ANKRD42: variants seen among roughly 807,000 people sequenced by gnomAD.
The protein encoded by ANKRD42 is ankyrin repeat domain 42.
In ANKRD42, 43 loss-of-function variants were observed where a neutral mutation model predicts 51.5. The observed-to-expected ratio is 0.83, with a 90% CI of 0.65 to 1.08. The LOEUF is 1.08. ANKRD42 is among the 50% of genes least tolerant of loss of function. The pLI is 0.00. For missense variants in ANKRD42, 608 were observed against 629.3 expected, an observed-to-expected ratio of 0.97 and a Z score of 0.36; for synonymous variants, 203 against 213.0, an observed-to-expected ratio of 0.95 and a Z score of 0.41.
downstream of ANKRD42, chr11:83,260,706 T>G (rs1454738913): frequency 3.3e-5 from 5 of 152,228 alleles, no homozygotes; most frequent in Non-Finnish European, 7.3e-5. Context: ...TACTTTCTGG[T>G]CTTGTCTTCT....
chr11:83,210,805 A>T (rs1862285816), intron 4 of ANKRD42, among the ~76,000 whole-genome samples: 1 of 152,200 alleles, frequency 6.6e-6, no homozygotes, highest in African/African-American at 2.4e-5. Context: ...AAAGTGATTT[A>T]TTTCTTCAGA....
rs191952747 is a variant in ANKRD42 at position 83,236,559 on chromosome 11, C to A, written c.1019+50C>A. 6.9e-5 allele frequency: 101 copies of A among 1,453,744 alleles called. No homozygotes were observed. In the African/African-American group the frequency reaches 1.1e-3, roughly 16 times the overall value. 90.1% of individuals were successfully genotyped at this position (1,453,744 alleles called of 1,614,324 possible). A position where few individuals can be genotyped will look rare whatever the true frequency, so the allele number is the denominator to read the frequency against. On this transcript the variant is annotated intron_variant, in intron 8 of 10. Transcript: ENST00000533342. ...CCTTTCTTTTCTCTTTAAAGTTTTG[C>A]GTATACTTTTTTGGACTCAAAAATC...
chr11:83,212,202 C>T (rs1293840272), intron 5 of ANKRD42, among the ~76,000 whole-genome samples: 3 of 152,058 alleles, frequency 2.0e-5, no homozygotes, highest in Non-Finnish European at 4.4e-5. Flanking sequence ...TATGCCTCAG[C>T]GTCCTTCGTA....
intron 5 of ANKRD42, among the ~76,000 whole-genome samples, chr11:83,217,731 A>T (rs926913202): frequency 3.3e-5 from 5 of 152,196 alleles, no homozygotes. Context: ...TTGCCTTGGC[A>T]TATTGGACAT....
In ANKRD42 at chr11:83,196,633, G is replaced by C. The variant is rs73512675; in HGVS notation, c.59-1846G>C. ...ACAGGTTCCTATGAATATTTCCATC[G>C]TTGCTTTTACCACATTATTTTGTAT... On this transcript the variant is annotated intron_variant, in intron 1 of 10. Coordinates refer to ENST00000533342, the MANE Select transcript of ANKRD42 (RefSeq NM_001300975.2). Among the ~76,000 whole-genome samples the C allele has an allele frequency of 1.6e-4, 25 of 152,210 alleles. 1 individual carries two copies. The highest frequency in any genetic ancestry group is 6.8e-3 in the Middle Eastern group (2 of 294).
downstream of ANKRD42, chr11:83,259,399 A>G (rs1329502735): frequency 4.6e-5 from 7 of 152,210 alleles, no homozygotes; most frequent in Admixed American, 4.6e-4. Flanking sequence ...TATGGTATGC[A>G]TATTTCTATT....
chr11:83,248,369 C>T lies in ANKRD42; in HGVS notation c.*165C>T, dbSNP rs1863607539. 4 of 1,335,710 alleles carry T rather than the reference C, an allele frequency of 3.0e-6. No homozygotes were observed. In the Admixed American group the frequency reaches 1.5e-4, roughly 49 times the overall value. The allele number at this position is 1,335,710 out of a possible 1,614,324, so 82.7% of individuals were successfully genotyped here. A position where few individuals can be genotyped will look rare whatever the true frequency, so the allele number is the denominator to read the frequency against. On this transcript the variant is annotated 3_prime_UTR_variant, in exon 11 of 11. Coordinates refer to ENST00000533342, the MANE Select transcript of ANKRD42 (RefSeq NM_001300975.2). ...GTAACTATAACTTTCTAGATACATA[C>T]ACACATCTGTCTATCTATCTTCAAA...
chr11:83,245,672 A>C, intron 10 of ANKRD42, 48 bp downstream of exon 10: 1 of 1,496,490 alleles, frequency 6.7e-7, no homozygotes. Flanking sequence ...ACCTCTCTAA[A>C]TGCCATGTGA....
At chr11:83,244,663 C>G (rs1405325335) in intron 9 of ANKRD42, among the ~76,000 whole-genome samples, 1 of 152,138 alleles carries the variant, frequency 6.6e-6, no homozygotes, top group East Asian at 1.9e-4. Flanking sequence ...CCAAATGACC[C>G]TTGGCAGAGA....
downstream of ANKRD42, among the ~76,000 whole-genome samples, chr11:83,251,268 CCTT>C (rs1326248287): frequency 6.6e-6 from 1 of 152,146 alleles, no homozygotes; most frequent in Non-Finnish European, 1.5e-5. Context: ...CGTGATCTCT[CCTT>C]CTATCAAGCA....
At chr11:83,198,150 G>T (rs1385558500) in intron 1 of ANKRD42, among the ~76,000 whole-genome samples, 1 of 152,134 alleles carries the variant, frequency 6.6e-6, no homozygotes, top group East Asian at 1.9e-4. Context: ...CCACTTTATG[G>T]CTCCAGGACT....
intron 7 of ANKRD42, among the ~76,000 whole-genome samples, chr11:83,233,582 G>A (rs481778): frequency 0.26 from 39,739 of 151,828 alleles, 5,360 homozygotes; most frequent in Middle Eastern, 0.4. Context: ...AATTTCATTT[G>A]TTTCTGCTCT....
intron 3 of ANKRD42, among the ~76,000 whole-genome samples, chr11:83,208,232 A>G (rs898686462): frequency 2.0e-5 from 3 of 151,350 alleles, no homozygotes; most frequent in East Asian, 1.9e-4. Context: ...GGGTCTCCCT[A>G]TGTTGCCTAG....
At chr11:83,206,539 C>T (rs1394641870) in intron 3 of ANKRD42, among the ~76,000 whole-genome samples, 2 of 152,172 alleles carry the variant, frequency 1.3e-5, no homozygotes, top group Non-Finnish European at 1.5e-5. Flanking sequence ...GTTATTAGGT[C>T]ATGAGGGGTT....
intron 4 of ANKRD42, 89 bp downstream of exon 4, chr11:83,210,508 G>T: frequency 1.4e-6 from 2 of 1,456,228 alleles, no homozygotes; most frequent in Non-Finnish European, 1.9e-6. Flanking sequence ...TGACTTTTTA[G>T]ATCTCTTAAT....
At chr11:83,227,684 C>A in intron 6 of ANKRD42, 63 bp from the exon 7 acceptor site, 1 of 1,527,506 alleles carries the variant, frequency 6.5e-7, no homozygotes, top group Non-Finnish European at 8.8e-7. Flanking sequence ...TATATGACAG[C>A]TTAAGACAGG....
intron 5 of ANKRD42, chr11:83,213,815 A>G (rs186413093): frequency 1.1e-4 from 17 of 153,516 alleles, no homozygotes; most frequent in African/African-American, 3.4e-4. Flanking sequence ...ATATCTTTTC[A>G]TGCAAATATC....
chr11:83,208,178 C>T (rs1862153403), intron 3 of ANKRD42, among the ~76,000 whole-genome samples: 1 of 151,738 alleles, frequency 6.6e-6, no homozygotes, highest in Non-Finnish European at 1.5e-5. Flanking sequence ...CATGCATCAC[C>T]TTGCCTGGCT....
intron 5 of ANKRD42, among the ~76,000 whole-genome samples, chr11:83,221,358 A>C (rs1417814437): frequency 6.6e-6 from 1 of 152,208 alleles, no homozygotes; most frequent in Non-Finnish European, 1.5e-5. Context: ...GAGAACTCAC[A>C]TATTGCCATC....
Sources: allele counts gnomAD v4.1 joint callset (sites outside exome capture counted in the v4.1 genomes callset), GRCh38; gene constraint gnomAD v4.1.1; transcripts MANE v1.5; gene names NCBI Gene and HGNC (gene_info 2026-07-23, HGNC 2026-07-21).